TBC1D1: variants seen among roughly 807,000 people sequenced by gnomAD.
TBC1D1 encodes the protein TBC1 domain family member 1, also known as TBC1 (tre-2/USP6, BUB2, cdc16) domain family, member 1.
TBC1D1 carries 89 observed loss-of-function variants against 125.6 expected under a neutral mutation model. The observed-to-expected ratio is 0.71, with a 90% CI of 0.60 to 0.85. The LOEUF is 0.85. Among genes scored for constraint, TBC1D1 ranks in the 40% least tolerant of loss-of-function variants. The probability of loss-of-function intolerance (pLI) is 0.00; values close to 1 mark genes in which losing one functional copy is unlikely to be tolerated. For missense variants in TBC1D1, 1,377 were observed against 1,469.2 expected (o/e 0.94, Z 1.03); for synonymous variants, 565 against 564.1 (o/e 1.00, Z -0.02).
At chr4:38,059,034 C>T (rs978060366) in intron 12 of TBC1D1, among the ~76,000 whole-genome samples, 4 of 152,192 alleles carry the variant, frequency 2.6e-5, no homozygotes, top group South Asian at 2.1e-4. Flanking sequence ...CTTGTTTACT[C>T]AGGGATGTGT....
chr4:38,006,908 C>T, intron 2 of TBC1D1: 1 of 468,426 alleles, frequency 2.1e-6, no homozygotes, highest in Middle Eastern at 5.4e-4. Flanking sequence ...TCCAAGAAAC[C>T]AGAGTGTTCC....
At chr4:38,072,988 T>G (rs1256522551) in intron 12 of TBC1D1, among the ~76,000 whole-genome samples, 2 of 152,232 alleles carry the variant, frequency 1.3e-5, no homozygotes, top group Non-Finnish European at 2.9e-5. Context: ...TATATTCTGT[T>G]GTATGTATAT....
chr4:38,102,297 TC>T (rs1461208930), intron 14 of TBC1D1, among the ~76,000 whole-genome samples: 1 of 152,104 alleles, frequency 6.6e-6, no homozygotes. Context: ...GAGCTCTACT[TC>T]CTTTTGATTC....
intron 12 of TBC1D1, among the ~76,000 whole-genome samples, chr4:38,084,061 C>T (rs1332062609): frequency 6.6e-6 from 1 of 152,024 alleles, no homozygotes; most frequent in Admixed American, 6.5e-5. Flanking sequence ...CCTCAGCCTC[C>T]CAAGTAGCTG....
intron 11 of TBC1D1, among the ~76,000 whole-genome samples, chr4:38,050,249 T>C (rs1750257246): frequency 6.6e-6 from 1 of 152,154 alleles, no homozygotes; most frequent in African/African-American, 2.4e-5. Context: ...AGCAGGGTTA[T>C]AATGGGAGGG....
intron 8 of TBC1D1, among the ~76,000 whole-genome samples, chr4:38,038,673 C>T (rs2152461135): frequency 6.6e-6 from 1 of 152,288 alleles, no homozygotes; most frequent in East Asian, 1.9e-4. Flanking sequence ...TCCTGCCGGG[C>T]GCAGTGGCTC....
At chr4:38,026,625 AAAT>A (rs1318171290) in intron 6 of TBC1D1, among the ~76,000 whole-genome samples, 12 of 152,216 alleles carry the variant, frequency 7.9e-5, no homozygotes, top group African/African-American at 2.9e-4. Flanking sequence ...CTTGGAAGAA[AAAT>A]AACCCATGCT....
At chr4:38,067,764 A>T (rs1455172645) in intron 12 of TBC1D1, among the ~76,000 whole-genome samples, 1 of 152,198 alleles carries the variant, frequency 6.6e-6, no homozygotes, top group Non-Finnish European at 1.5e-5. Context: ...CCCAGTGTAC[A>T]GCAGGCTGCA....
chr4:37,978,898 C>T (rs1013339225), intron 2 of TBC1D1, among the ~76,000 whole-genome samples: 1 of 152,140 alleles, frequency 6.6e-6, no homozygotes, highest in African/African-American at 2.4e-5. Flanking sequence ...ATTTTTGAGA[C>T]AGAGTCTTAC....
At chr4:38,001,336 C>T (rs986679219) in intron 2 of TBC1D1, among the ~76,000 whole-genome samples, 1 of 152,158 alleles carries the variant, frequency 6.6e-6, no homozygotes, top group Non-Finnish European at 1.5e-5. Context: ...CCTCTTTGGG[C>T]CTGCCACCTA....
chr4:38,110,419 C>G, intron 15 of TBC1D1: 1 of 985,376 alleles, frequency 1.0e-6, no homozygotes. Flanking sequence ...GAAGGCTCTT[C>G]CCCCTCCAAG....
intron 2 of TBC1D1, among the ~76,000 whole-genome samples, chr4:37,912,155 C>G (rs2152253543): frequency 6.6e-6 from 1 of 152,294 alleles, no homozygotes; most frequent in South Asian, 2.1e-4. Flanking sequence ...CAACTAAAGT[C>G]GCTCCTAAAT....
At chr4:37,891,725 C>A (rs1317692758) in intron 1 of TBC1D1, among the ~76,000 whole-genome samples, 1 of 139,588 alleles carries the variant, frequency 7.2e-6, no homozygotes. Flanking sequence ...TCAGAGTGAC[C>A]CCAAGCCACG....
chr4:38,052,726 GCGCACACACACACACACA>G (rs1429437071), intron 11 of TBC1D1, among the ~76,000 whole-genome samples: 75 of 69,010 alleles, frequency 1.1e-3, no homozygotes, highest in Middle Eastern at 7.1e-3. Flanking sequence ...GCGCGCGCGC[GCGCACACACACACACACA>G]CACACACACA....
At position 38,014,547 on chromosome 4, in the gene TBC1D1, G is replaced by T. The variant is rs756389514; in HGVS notation, c.456G>T (p.Lys152Asn). Residue 152 changes from lysine to asparagine, a missense_variant, in exon 3 of 20, where the codon AAG becomes AAT. By Grantham distance (94) the Lys-to-Asn change is moderately conservative. Transcript: ENST00000261439. This position sits in a 1 kb window ranked among gnomAD's most constrained non-coding sequence, Gnocchi z 5.1. ...TCAGCTCCATCCGTCAGGCGGGGAA[G>T]ATCGCCCGGCAGGAGGAGCTGCACT... is the stretch of plus-strand genomic sequence containing the variant. 21 of 1,613,272 alleles carry T rather than the reference G, an allele frequency of 1.3e-5. No individual in the cohort carries two copies. The South Asian group carries it at 1.9e-4, about 14-fold the overall frequency.
intron 2 of TBC1D1, among the ~76,000 whole-genome samples, chr4:37,989,950 T>C (rs983929390): frequency 6.6e-6 from 1 of 152,212 alleles, no homozygotes; most frequent in Admixed American, 6.5e-5. Flanking sequence ...GAGTTTCCAA[T>C]TTTGGAATAC....
At chr4:38,001,028 G>C (rs1738949805) in intron 2 of TBC1D1, among the ~76,000 whole-genome samples, 1 of 152,158 alleles carries the variant, frequency 6.6e-6, no homozygotes, top group Non-Finnish European at 1.5e-5. Flanking sequence ...AGACCATCCT[G>C]GGTAACACGG....
chr4:38,133,642 A>G (rs1038712047), intron 19 of TBC1D1, among the ~76,000 whole-genome samples: 1 of 152,222 alleles, frequency 6.6e-6, no homozygotes, highest in African/African-American at 2.4e-5. Context: ...CCACAGAGGG[A>G]TGGTAAAGGA....
rs1428318546 is a variant in TBC1D1 at position 38,118,195 on chromosome 4, G to A, written c.2962+3G>A. 3 of 1,614,146 alleles carry A rather than the reference G, an allele frequency of 1.9e-6. No individual in the cohort carries two copies. Among genetic ancestry groups the A allele is most frequent in the Non-Finnish European group, 2.5e-6 (3 of 1,180,018 alleles). On this transcript the variant is annotated splice_donor_region_variant and intron_variant, in intron 17 of 19. Transcript: ENST00000261439. ...GGGATTCGTAGCCAGAGTCTTTGGT[G>A]AGCATTAGTAAATCTGTTTGCCAGA...
Sources: gnomAD v4.1 joint callset for allele counts (sites outside exome capture counted in the v4.1 genomes callset) on GRCh38, gnomAD v4.1.1 for gene constraint, Gnocchi (gnomAD v3.1) non-coding constraint, MANE v1.5 for transcripts, NCBI Gene and HGNC (gene_info 2026-07-23, HGNC 2026-07-21) for gene names.